The following EXD1 variants were observed in gnomAD, a reference collection of about 807,000 sequenced individuals.
EXD1 encodes the protein piRNA biogenesis protein EXD1.
Under a neutral mutation model 49.1 loss-of-function variants are expected in EXD1, and 63 were observed. The ratio of observed to expected loss-of-function variants is 1.28; its 90% confidence interval spans 1.05 to 1.58. The LOEUF is 1.58. Ranked by LOEUF, EXD1 falls within the 40% of genes most tolerant of loss-of-function variation. EXD1 has a pLI of 0.00. For missense variants in EXD1, 748 were observed against 666.0 expected, an observed-to-expected ratio of 1.12 and a Z score of -1.36; for synonymous variants, 234 against 239.2, an observed-to-expected ratio of 0.98 and a Z score of 0.20.
At chr15:41,210,752 T>C (rs1043874079) in intron 6 of EXD1, among the ~76,000 whole-genome samples, 1 of 152,190 alleles carries the variant, frequency 6.6e-6, no homozygotes, top group African/African-American at 2.4e-5. Context: ...TATTTCATTA[T>C]ACAATTCTAT....
chr15:41,221,678 C>T (rs1031908488), intron 2 of EXD1, among the ~76,000 whole-genome samples: 1 of 151,826 alleles, frequency 6.6e-6, no homozygotes, highest in Non-Finnish European at 1.5e-5. Context: ...ATTGATGGTC[C>T]CCAGAGTTTT....
Position 41,217,151 on chromosome 15 carries a change from T to C in EXD1, c.206A>G (p.Glu69Gly). 2 of 1,612,034 alleles carry C rather than the reference T, an allele frequency of 1.2e-6. No individual in the cohort carries two copies. Among genetic ancestry groups the C allele is most frequent in the Non-Finnish European group, 1.7e-6 (2 of 1,179,812 alleles). Residue 69 changes from glutamate (E) to glycine (G), a missense_variant, in exon 4 of 12, where the codon GAA becomes GGA. Coordinates refer to ENST00000458580, the MANE Select transcript of EXD1 (RefSeq NM_001286441.2). Reference sequence around the variant, plus strand: ...GCCTTGTTCCACTTCATCTAGTAGTTCCACTGTAAAATAACCAAATGGCTT... The same window carrying C: ...GCCTTGTTCCACTTCATCTAGTAGTCCCACTGTAAAATAACCAAATGGCTT... Reference protein sequence around the residue: ...LFFGHEIVNVELLDEVEQGSV... With the variant: ...LFFGHEIVNVGLLDEVEQGSV...
chr15:41,205,987 C>A (rs981074545), intron 7 of EXD1, among the ~76,000 whole-genome samples: 1 of 148,658 alleles, frequency 6.7e-6, no homozygotes, highest in Non-Finnish European at 1.5e-5. Flanking sequence ...TCAAGCAATT[C>A]TCCTGCCTCA....
At chr15:41,203,109 T>C (rs899800271) in intron 7 of EXD1, among the ~76,000 whole-genome samples, 2 of 152,094 alleles carry the variant, frequency 1.3e-5, no homozygotes, top group African/African-American at 2.4e-5. Flanking sequence ...TGGGAAATAC[T>C]GACAGAAAGA....
At chr15:41,208,678 G>A (rs2046873160) in intron 7 of EXD1, among the ~76,000 whole-genome samples, 1 of 151,980 alleles carries the variant, frequency 6.6e-6, no homozygotes, top group Non-Finnish European at 1.5e-5. Flanking sequence ...CTTGAACCCA[G>A]GAGGCGGAGG....
At chr15:41,201,945 G>C (rs573999942) in intron 7 of EXD1, among the ~76,000 whole-genome samples, 7 of 152,136 alleles carry the variant, frequency 4.6e-5, no homozygotes, top group Admixed American at 4.6e-4. Flanking sequence ...TTAAGGCCAG[G>C]AGTTCAAGAC....
chr15:41,193,027 G>A (rs1336432902), intron 9 of EXD1, among the ~76,000 whole-genome samples: 2 of 151,870 alleles, frequency 1.3e-5, no homozygotes, highest in African/African-American at 2.4e-5. Context: ...CTTGTGATCC[G>A]TCCGCCTCGC....
At chr15:41,195,106 A>G (rs2046588714) in intron 9 of EXD1, among the ~76,000 whole-genome samples, 1 of 152,186 alleles carries the variant, frequency 6.6e-6, no homozygotes, top group Non-Finnish European at 1.5e-5. Flanking sequence ...AGAAACCCAG[A>G]TCAGCTCTAA....
intron 7 of EXD1, among the ~76,000 whole-genome samples, chr15:41,203,723 C>A (rs947255917): frequency 6.6e-6 from 1 of 151,456 alleles, no homozygotes; most frequent in African/African-American, 2.4e-5. Context: ...TCGACACCAG[C>A]CTGCCCAACA....
intron 7 of EXD1, among the ~76,000 whole-genome samples, chr15:41,198,554 G>A (rs183537775): frequency 7.2e-5 from 11 of 151,990 alleles, no homozygotes; most frequent in African/African-American, 1.9e-4. Flanking sequence ...AGCTGAGCAT[G>A]GTGGTGCACC....
Position 41,216,805 on chromosome 15 carries a change from C to G in EXD1, c.261-10G>C. On this transcript the variant is annotated splice_polypyrimidine_tract_variant and intron_variant, in intron 4 of 11. Transcript: ENST00000458580. ...TCTTTCTGCATGTAGACTATCCTTA[C>G]AAGAAACAATATTTGGGTGAACTTG... The G allele has an allele frequency of 6.2e-7, 1 of 1,610,596 alleles. No individual in the cohort carries two copies. Among genetic ancestry groups the G allele is most frequent in the Non-Finnish European group, 8.5e-7 (1 of 1,179,374 alleles).
chr15:41,192,462 A>G (rs563730778), intron 9 of EXD1, among the ~76,000 whole-genome samples: 67 of 151,876 alleles, frequency 4.4e-4, no homozygotes, highest in African/African-American at 1.5e-3. Flanking sequence ...ATGCCTGGCT[A>G]ATTTTCATAT....
intron 7 of EXD1, among the ~76,000 whole-genome samples, chr15:41,207,416 T>C (rs1348943523): frequency 6.6e-6 from 1 of 152,016 alleles, no homozygotes; most frequent in East Asian, 1.9e-4. Flanking sequence ...CACATGCCTG[T>C]AATCTCGGCT....
At chr15:41,188,385 C>T (rs950214063) in intron 11 of EXD1, among the ~76,000 whole-genome samples, 1 of 148,726 alleles carries the variant, frequency 6.7e-6, no homozygotes, top group Non-Finnish European at 1.5e-5. Context: ...CCTTCCCTCT[C>T]ATTTCTTGTC....
intron 7 of EXD1, among the ~76,000 whole-genome samples, chr15:41,196,691 A>G (rs918713278): frequency 9.9e-5 from 15 of 151,942 alleles, no homozygotes; most frequent in African/African-American, 3.6e-4. Flanking sequence ...TCGGCCTCCC[A>G]AAGTGCTGGG....
chr15:41,190,112 C>A lies in EXD1; in HGVS notation c.881G>T (p.Trp294Leu). Residue 294 changes from tryptophan (W) to leucine (L), a missense_variant, in exon 11 of 12, where the codon TGG becomes TTG. Transcript: ENST00000458580. ...QKLIQENPEV[W>L]FIRPVSPSLL... is the part of the protein sequence containing the mutation. ...AGAGGGTGAAACAGGTCGGATGAAC[C>A]ATACTTCTGGATTTTCCTGGAGACA... The A allele has an allele frequency of 6.2e-7, 1 of 1,614,094 alleles. No homozygotes were observed. Among genetic ancestry groups the A allele is most frequent in the Non-Finnish European group, 8.5e-7 (1 of 1,180,008 alleles).
chr15:41,217,584 G>A (rs1295029821), intron 3 of EXD1, among the ~76,000 whole-genome samples: 1 of 145,590 alleles, frequency 6.9e-6, no homozygotes, highest in African/African-American at 2.6e-5. Flanking sequence ...AGGCTGGAGT[G>A]CAGAGGTGCG....
At chr15:41,203,937 A>AAAC (rs2046776251) in intron 7 of EXD1, among the ~76,000 whole-genome samples, 2 of 144,866 alleles carry the variant, frequency 1.4e-5, no homozygotes, top group African/African-American at 5.1e-5. Context: ...AAAAAAAAAA[A>AAAC]AAAAAAACCC....
At chr15:41,195,626 A>C in intron 9 of EXD1, 149 bp downstream of exon 9, 1 of 503,052 alleles carries the variant, frequency 2.0e-6, no homozygotes, top group Non-Finnish European at 3.4e-6. Context: ...CATATTGTAC[A>C]AACATTTTAC....
Sources: gnomAD v4.1 joint callset for allele counts (sites outside exome capture counted in the v4.1 genomes callset) on GRCh38, gnomAD v4.1.1 for gene constraint, MANE v1.5 for transcripts, NCBI Gene and HGNC (gene_info 2026-07-23, HGNC 2026-07-21) for gene names.